Variants in TBC1D2 observed in about 807,000 individuals in gnomAD.
TBC1D2 encodes the protein TBC1 domain family member 2.
A neutral mutation model predicts 91.1 loss-of-function variants in TBC1D2; 58 were observed. The ratio of observed to expected loss-of-function variants is 0.64; its 90% CI spans 0.52 to 0.79. TBC1D2 has a LOEUF of 0.79. Ranked by LOEUF, TBC1D2 falls within the 30% of genes least tolerant of loss-of-function variation. The pLI is 0.00. For missense variants in TBC1D2, 1,080 were observed against 1,208.3 expected (o/e 0.89, Z 1.57); for synonymous variants, 482 against 511.5 (o/e 0.94, Z 0.78).
At position 98,221,060 on chromosome 9, in the gene TBC1D2, G is replaced by T; in HGVS notation, c.1147C>A (p.Arg383=). 1 of 1,610,640 alleles carries T rather than the reference G, an allele frequency of 6.2e-7. No homozygotes were observed. The highest frequency in any genetic ancestry group is 8.5e-7 in the Non-Finnish European group (1 of 1,178,800). Reference sequence around the variant, plus strand: ...CTCGCTGTGTGCGCCAGGCTCTCCCGCTCCTGCTCCAGGGCCTCCACCCGC... The same window carrying T: ...CTCGCTGTGTGCGCCAGGCTCTCCCTCTCCTGCTCCAGGGCCTCCACCCGC... The part of the protein sequence containing the change: ...GRRVEALEQE[R]ESLAHTASLR... Residue 383 remains arginine (R), a synonymous_variant, in exon 6 of 13, where the codon CGG becomes AGG. Transcript: ENST00000465784.
At chr9:98,233,690 T>C (rs998938577) in intron 3 of TBC1D2, 141 bp from the exon 4 acceptor site, 3 of 1,276,382 alleles carry the variant, frequency 2.4e-6, no homozygotes, top group Admixed American at 2.4e-5. Context: ...CCAGGCACCC[T>C]ACATGATGCC....
rs191862502 is a variant in TBC1D2 at position 98,228,879 on chromosome 9, T to C, written c.978+73A>G. ...CCCAGCACGGCTAATGCGTCCCATC[T>C]AGCTTATCCGAAAGGCTCCAGGAAC... On this transcript the variant is annotated intron_variant, in intron 5 of 12. Coordinates refer to ENST00000465784, the MANE Select transcript of TBC1D2 (RefSeq NM_001267571.2). The surrounding 1 kb of genome is among the most constrained non-coding windows in gnomAD (Gnocchi z 4.0). 7.4e-6 allele frequency: 11 copies of C among 1,476,690 alleles called. No homozygotes were observed. The Admixed American group carries it at 7.6e-5, about 10-fold the overall frequency. 91.5% of individuals were successfully genotyped at this position (1,476,690 alleles called of 1,614,324 possible). A position where few individuals can be genotyped will look rare whatever the true frequency, so the allele number is the denominator to read the frequency against.
At chr9:98,248,116 T>C (rs1005297295) in intron 2 of TBC1D2, among the ~76,000 whole-genome samples, 8 of 152,348 alleles carry the variant, frequency 5.3e-5, no homozygotes, top group African/African-American at 1.9e-4. Context: ...GACACCGTTA[T>C]AGACTCAAAC....
At chr9:98,231,279 C>CTTTTTTT (rs35195996) in intron 4 of TBC1D2, among the ~76,000 whole-genome samples, 35 of 76,690 alleles carry the variant, frequency 4.6e-4, no homozygotes, top group East Asian at 8.8e-4. Context: ...CTCAACTCTG[C>CTTTTTTT]TTTTTTTTTT....
intron 2 of TBC1D2, among the ~76,000 whole-genome samples, chr9:98,248,572 C>T (rs1215324746): frequency 6.6e-6 from 1 of 152,222 alleles, no homozygotes; most frequent in Non-Finnish European, 1.5e-5. Context: ...TATGAGTCTG[C>T]AGCCTAGGGT....
chr9:98,242,425 T>C (rs891455262), intron 3 of TBC1D2, among the ~76,000 whole-genome samples: 2 of 135,602 alleles, frequency 1.5e-5, no homozygotes, highest in African/African-American at 5.6e-5. Context: ...CGGGCAACAG[T>C]GCAAGACTCC....
At chr9:98,216,989 C>T (rs1588040686) in intron 6 of TBC1D2, among the ~76,000 whole-genome samples, 1 of 152,226 alleles carries the variant, frequency 6.6e-6, no homozygotes, top group East Asian at 1.9e-4. Flanking sequence ...AGCCACCACG[C>T]TTGGCTACAC....
At chr9:98,212,091 C>G (rs1828857944) in intron 7 of TBC1D2, among the ~76,000 whole-genome samples, 1 of 152,184 alleles carries the variant, frequency 6.6e-6, no homozygotes, top group Non-Finnish European at 1.5e-5. Flanking sequence ...GCCACCGCAC[C>G]TGGCCCCTTC....
chr9:98,221,018 C>T lies in TBC1D2; in HGVS notation c.1189G>A (p.Val397Met), dbSNP rs1410975794. Residue 397 changes from valine (V) to methionine (M), a missense_variant, in exon 6 of 13, where the codon GTG (valine) becomes ATG (methionine). Physicochemically the swap from Val to Met is conservative, Grantham distance 21 (BLOSUM62 1). Transcript: ENST00000465784. ...AHTASLREQQ[V>M]QELQQHVQLL... ...TGCACGTGCTGCTGTAGCTCCTGCA[C>T]CTGCTGCTCCCGCAGGCTCGCTGTG... 6.2e-7 allele frequency: 1 copy of T among 1,614,108 alleles called. No homozygotes were observed. The highest frequency in any genetic ancestry group is 1.7e-5 in the Admixed American group (1 of 60,032).
chr9:98,243,847 T>G, intron 3 of TBC1D2, 147 bp downstream of exon 3: 1 of 1,193,084 alleles, frequency 8.4e-7, no homozygotes, highest in Non-Finnish European at 1.2e-6. Context: ...AAATGTAATA[T>G]TTTAAAGTGA....
At chr9:98,222,980 A>G (rs1271871870) in intron 5 of TBC1D2, among the ~76,000 whole-genome samples, 1 of 152,114 alleles carries the variant, frequency 6.6e-6, no homozygotes, top group Non-Finnish European at 1.5e-5. Flanking sequence ...CATCCATCCA[A>G]CCTTTACCAA....
At chr9:98,244,259 C>A in intron 2 of TBC1D2, 130 bp from the exon 3 acceptor site, 1 of 1,229,254 alleles carries the variant, frequency 8.1e-7, no homozygotes, top group Non-Finnish European at 1.1e-6. Flanking sequence ...GGCAAGCAGG[C>A]CCTCCCTGTA....
intron 1 of TBC1D2, among the ~76,000 whole-genome samples, chr9:98,253,112 G>C (rs1282174062): frequency 6.6e-6 from 1 of 152,164 alleles, no homozygotes; most frequent in Non-Finnish European, 1.5e-5. Context: ...GGTATACTGA[G>C]CATTGACATA....
In TBC1D2 at chr9:98,215,569, G is replaced by A. The variant is rs559345850; in HGVS notation, c.1375-2351C>T. 3.9e-5 allele frequency among the ~76,000 whole-genome samples: 6 copies of A among 152,244 alleles called. No homozygotes were observed. In the South Asian group the frequency reaches 6.2e-4, roughly 16 times the overall value. Reference sequence around the variant, plus strand: ...GTCGCCCAAGCTGGAGTACAGTGGCGTGATCATAGCTCATGGCAGCCTCGA... The same window carrying A: ...GTCGCCCAAGCTGGAGTACAGTGGCATGATCATAGCTCATGGCAGCCTCGA... On this transcript the variant is annotated intron_variant, in intron 6 of 12. Coordinates refer to ENST00000465784, the MANE Select transcript of TBC1D2 (RefSeq NM_001267571.2).
intron 5 of TBC1D2, among the ~76,000 whole-genome samples, chr9:98,227,358 G>A (rs1367655402): frequency 6.6e-6 from 1 of 152,174 alleles, no homozygotes; most frequent in Non-Finnish European, 1.5e-5. Flanking sequence ...CACATAACAG[G>A]CCCTTAATAA....
At position 98,201,652 on chromosome 9, in the gene TBC1D2, C is replaced by T. The variant is rs1312222930; in HGVS notation, c.2284G>A (p.Val762Met). Residue 762 changes from valine (V) to methionine (M), a missense_variant, in exon 11 of 13, where the codon GTG becomes ATG. Physicochemically the swap from Val to Met is conservative, Grantham distance 21. Coordinates refer to ENST00000465784, the MANE Select transcript of TBC1D2 (RefSeq NM_001267571.2). ...TTCTCCGAGAGCAGGTCCTGGAGCACCCGCTGGTCCACCTGGAAGCCAGCG... is the reference window on the plus strand; with the variant it reads ...TTCTCCGAGAGCAGGTCCTGGAGCATCCGCTGGTCCACCTGGAAGCCAGCG... ...TLTASQVDQRVLQDLLSEKLP... is the reference protein window; with the variant it reads ...TLTASQVDQRMLQDLLSEKLP... 6.2e-7 allele frequency: 1 copy of T among 1,611,304 alleles called. No individual in the cohort carries two copies. The highest frequency in any genetic ancestry group is 2.2e-5 in the East Asian group (1 of 44,802).
chr9:98,224,139 G>A (rs993771769), intron 5 of TBC1D2, among the ~76,000 whole-genome samples: 4 of 151,252 alleles, frequency 2.6e-5, no homozygotes, highest in Non-Finnish European at 5.9e-5. Flanking sequence ...GGAGCTGGCA[G>A]TGAGCTGAGA....
At position 98,255,292 on chromosome 9, in the gene TBC1D2, C is replaced by T. The variant is rs769839580; in HGVS notation, c.250G>A (p.Ala84Thr). Residue 84 changes from alanine to threonine, a missense_variant, in exon 1 of 13, where the codon GCT becomes ACT. Ala to Thr is a moderately conservative substitution (Grantham distance 58). Transcript: ENST00000465784. ...RKCQLYYSRT[A>T]QDANPLDSID... ...CTGTCCAAGGGATTGGCATCCTGAG[C>T]GGTCCGCGAGTAATACAGCTGACAT... 1.9e-6 allele frequency: 3 copies of T among 1,614,144 alleles called. No individual in the cohort carries two copies. Among genetic ancestry groups the T allele is most frequent in the Admixed American group, 1.7e-5 (1 of 60,016 alleles).
intron 1 of TBC1D2, among the ~76,000 whole-genome samples, chr9:98,254,171 G>A (rs1249287653): frequency 6.6e-6 from 1 of 152,126 alleles, no homozygotes; most frequent in African/African-American, 2.4e-5. Flanking sequence ...TGGAGGGGTG[G>A]ACAGATGGGG....
Sources: gnomAD v4.1 joint callset for allele counts (sites outside exome capture counted in the v4.1 genomes callset) on GRCh38, gnomAD v4.1.1 for gene constraint, Gnocchi (gnomAD v3.1) non-coding constraint, MANE v1.5 for transcripts, NCBI Gene and HGNC (gene_info 2026-07-23, HGNC 2026-07-21) for gene names.